The following RUNDC3B variants were observed in gnomAD, a reference collection of about 807,000 sequenced individuals.
RUNDC3B encodes the protein RUN domain-containing protein 3B.
A neutral mutation model predicts 58.4 loss-of-function variants in RUNDC3B; 33 were observed. The observed-to-expected ratio is 0.56, with a 90% CI of 0.43 to 0.75. The LOEUF is 0.75. Ranked by LOEUF, RUNDC3B falls within the 30% of genes least tolerant of loss-of-function variation. The probability of loss-of-function intolerance (pLI) is 0.00; values close to 1 mark genes in which losing one functional copy is unlikely to be tolerated. For synonymous variants in RUNDC3B, 193 were observed against 195.2 expected (o/e 0.99, Z 0.10); for missense variants, 501 against 535.7 (o/e 0.94, Z 0.64).
chr7:87,689,527 G>A (rs1273378859), intron 2 of RUNDC3B, among the ~76,000 whole-genome samples: 1 of 150,896 alleles, frequency 6.6e-6, no homozygotes, highest in Non-Finnish European at 1.5e-5. Flanking sequence ...TATTACTTTA[G>A]CTAATATTGC....
chr7:87,697,185 TTC>T (rs1828567258), intron 2 of RUNDC3B, among the ~76,000 whole-genome samples: 1 of 152,202 alleles, frequency 6.6e-6, no homozygotes, highest in Admixed American at 6.5e-5. Context: ...TGCTTTATCT[TTC>T]TCTGTGGTTA....
intron 2 of RUNDC3B, among the ~76,000 whole-genome samples, chr7:87,664,450 A>C (rs1006160463): frequency 6.6e-6 from 1 of 152,194 alleles, no homozygotes; most frequent in Non-Finnish European, 1.5e-5. Context: ...GAGATGACCC[A>C]GATGTTGGAA....
At chr7:87,762,341 T>C (rs1833738909) in intron 6 of RUNDC3B, among the ~76,000 whole-genome samples, 1 of 151,576 alleles carries the variant, frequency 6.6e-6, no homozygotes, top group Non-Finnish European at 1.5e-5. Flanking sequence ...TATATTATCT[T>C]AATCCCTTGT....
At chr7:87,708,251 T>C (rs1316467654) in intron 3 of RUNDC3B, among the ~76,000 whole-genome samples, 1 of 152,074 alleles carries the variant, frequency 6.6e-6, no homozygotes, top group African/African-American at 2.4e-5. Context: ...CTAGCAAGAC[T>C]ATTCAAGAAG....
At chr7:87,658,448 GA>G (rs1209940874) in intron 2 of RUNDC3B, among the ~76,000 whole-genome samples, 1 of 152,102 alleles carries the variant, frequency 6.6e-6, no homozygotes, top group Non-Finnish European at 1.5e-5. Context: ...TTGAAGGAGA[GA>G]AGAAAGAAGG....
At chr7:87,758,359 G>A (rs766508140) in intron 6 of RUNDC3B, among the ~76,000 whole-genome samples, 3 of 151,836 alleles carry the variant, frequency 2.0e-5, no homozygotes, top group Non-Finnish European at 2.9e-5. Flanking sequence ...AACAAAAACC[G>A]AACACCTGGA....
chr7:87,775,502 A>T (rs1834571263), intron 7 of RUNDC3B, among the ~76,000 whole-genome samples: 1 of 152,220 alleles, frequency 6.6e-6, no homozygotes, highest in South Asian at 2.1e-4. Context: ...AAGAAAACTT[A>T]TAAAAATAAA....
intron 1 of RUNDC3B, among the ~76,000 whole-genome samples, chr7:87,644,419 T>G (rs1223111531): frequency 6.6e-6 from 1 of 152,242 alleles, no homozygotes. Context: ...CAATGACATA[T>G]AATAAGGAAT....
chr7:87,638,039 A>T (rs1211004641), intron 1 of RUNDC3B, among the ~76,000 whole-genome samples: 1 of 151,942 alleles, frequency 6.6e-6, no homozygotes. Context: ...TCATAAATGG[A>T]TGCTTATTAT....
chr7:87,823,247 T>A (rs2130967833), intron 10 of RUNDC3B, among the ~76,000 whole-genome samples: 1 of 152,146 alleles, frequency 6.6e-6, no homozygotes, highest in South Asian at 2.1e-4. Context: ...TGTAATATTT[T>A]TTCCACAAGC....
chr7:87,821,069 G>A (rs1199999336), intron 10 of RUNDC3B, among the ~76,000 whole-genome samples: 1 of 149,774 alleles, frequency 6.7e-6, no homozygotes, highest in Non-Finnish European at 1.5e-5. Flanking sequence ...GAAATAAAGG[G>A]TATTCAATTA....
In RUNDC3B at chr7:87,717,224, C is replaced by T. The variant is rs573879833; in HGVS notation, c.458+6569C>T. 5.3e-5 allele frequency among the ~76,000 whole-genome samples: 8 copies of T among 152,192 alleles called. 1 individual carries two copies. The South Asian group carries it at 1.7e-3, about 32-fold the overall frequency. On this transcript the variant is annotated intron_variant, in intron 4 of 10. Transcript: ENST00000394654. ...ATTCTATATCAGGACACCTGTAATA[C>T]ATTCAAGAATGTAGCCAGAAAAAGT...
rs547749250 is a variant in RUNDC3B, at chr7:87,693,882, T to G, written c.239-6539T>G. The G allele has an allele frequency of 3.1e-6, 5 of 1,596,856 alleles. No individual in the cohort carries two copies. In the East Asian group the frequency reaches 6.7e-5, roughly 21 times the overall value. Reference sequence around the variant, plus strand: ...GGCAGGTTTCTTAAATATCTGTGTGTTGTTGTTGTTATTTTTTTTTTAAAG... The same window carrying G: ...GGCAGGTTTCTTAAATATCTGTGTGGTGTTGTTGTTATTTTTTTTTTAAAG... On this transcript the variant is annotated intron_variant, in intron 2 of 10. Coordinates refer to ENST00000394654, the MANE Select transcript of RUNDC3B (RefSeq NM_001134405.2).
intron 2 of RUNDC3B, among the ~76,000 whole-genome samples, chr7:87,679,464 C>T (rs1826710556): frequency 6.7e-6 from 1 of 149,782 alleles, no homozygotes; most frequent in African/African-American, 2.5e-5. Context: ...TCATGGCTCA[C>T]CACAGCCTCC....
intron 8 of RUNDC3B, among the ~76,000 whole-genome samples, chr7:87,785,697 G>A (rs1300485171): frequency 6.6e-6 from 1 of 152,134 alleles, no homozygotes; most frequent in Non-Finnish European, 1.5e-5. Context: ...CTTTCTCCTG[G>A]CTCTGCAGTC....
At chr7:87,676,040 A>T (rs1585070894) in intron 2 of RUNDC3B, among the ~76,000 whole-genome samples, 1 of 151,848 alleles carries the variant, frequency 6.6e-6, no homozygotes, top group East Asian at 2.0e-4. Flanking sequence ...TACCTGGGCA[A>T]CATAGTGAGA....
At chr7:87,703,202 T>A (rs1829249956) in intron 3 of RUNDC3B, among the ~76,000 whole-genome samples, 2 of 152,206 alleles carry the variant, frequency 1.3e-5, no homozygotes, top group African/African-American at 4.8e-5. Flanking sequence ...CAATTATCTT[T>A]CCAAATTATA....
At chr7:87,724,378 A>G (rs1831091574) in intron 4 of RUNDC3B, among the ~76,000 whole-genome samples, 1 of 152,186 alleles carries the variant, frequency 6.6e-6, no homozygotes, top group Non-Finnish European at 1.5e-5. Flanking sequence ...TTATTTCAAT[A>G]TTTTGGATTG....
At chr7:87,644,890 T>C (rs1822826712) in intron 1 of RUNDC3B, among the ~76,000 whole-genome samples, 1 of 151,992 alleles carries the variant, frequency 6.6e-6, no homozygotes, top group Admixed American at 6.5e-5. Flanking sequence ...TTAAAATTTT[T>C]AAGTTATTTT....
Sources: gnomAD v4.1 joint callset for allele counts (sites outside exome capture counted in the v4.1 genomes callset) on GRCh38, gnomAD v4.1.1 for gene constraint, MANE v1.5 for transcripts, NCBI Gene and HGNC (gene_info 2026-07-23, HGNC 2026-07-21) for gene names.